The following NAV3 variants were observed in gnomAD, a reference collection of about 807,000 sequenced individuals.
NAV3 encodes pore membrane and/or filament interacting like protein 1.
NAV3 carries 87 observed loss-of-function variants against 244.7 expected under a neutral mutation model. The observed-to-expected ratio is 0.36, with a 90% CI of 0.30 to 0.42. The LOEUF (loss-of-function observed/expected upper bound fraction) is 0.42, where lower values mean the gene tolerates loss of function less well. NAV3 is among the 20% of genes least tolerant of loss of function. The pLI, the probability that NAV3 is intolerant of heterozygous loss-of-function variation, is 1.00. For missense variants in NAV3, 2,663 were observed against 2,893.3 expected (o/e 0.92, Z 1.83); for synonymous variants, 1,126 against 1,042.2 (o/e 1.08, Z -1.55).
chr12:77,986,326 C>T (rs1377759903), intron 5 of NAV3, among the ~76,000 whole-genome samples: 1 of 152,196 alleles, frequency 6.6e-6, no homozygotes, highest in South Asian at 2.1e-4. Flanking sequence ...CGTGCCACTG[C>T]ACTCCTGCCT....
chr12:77,838,015 T>G (rs1159413319), intron 1 of NAV3, among the ~76,000 whole-genome samples: 5 of 152,232 alleles, frequency 3.3e-5, no homozygotes, highest in Admixed American at 2.6e-4. Flanking sequence ...CTTGCTCACA[T>G]GGTAGCATTT....
intron 1 of NAV3, among the ~76,000 whole-genome samples, chr12:77,845,651 CTT>C (rs36029202): frequency 2.0e-4 from 26 of 129,580 alleles, no homozygotes; most frequent in South Asian, 1.5e-3. Context: ...TAGGCTAATA[CTT>C]TTTTTTTTTT....
chr12:77,791,754 C>T (rs141793936), intron 2 of NAV3, among the ~76,000 whole-genome samples: 2 of 152,308 alleles, frequency 1.3e-5, no homozygotes, highest in Admixed American at 6.5e-5. Context: ...AATATAGTTA[C>T]GCCTATGATG....
chr12:77,769,194 T>G (rs1347770007), intron 2 of NAV3, among the ~76,000 whole-genome samples: 2 of 152,196 alleles, frequency 1.3e-5, no homozygotes, highest in African/African-American at 2.4e-5. Context: ...CAGGGTGTGT[T>G]TTTAAGTACT....
chr12:77,592,983 C>T lies in NAV3; in HGVS notation c.72+20717C>T, dbSNP rs561715405. Among the ~76,000 whole-genome samples the T allele has an allele frequency of 2.0e-5, 3 of 152,218 alleles. 1 individual carries two copies. The highest frequency in any genetic ancestry group is 7.2e-5 in the African/African-American group (3 of 41,526). On this transcript the variant is annotated intron_variant, in intron 2 of 8. Coordinates refer to the NAV3 transcript ENST00000550042. ...TTGGGATCTAATTCTTCTTGTGCAG[C>T]AGATGGAGGTGGTGAAAACTGAGCT...
intron 4 of NAV3, 30 bp from the exon 5 acceptor site, chr12:77,968,489 T>C: frequency 6.4e-7 from 1 of 1,552,010 alleles, no homozygotes; most frequent in South Asian, 1.1e-5. Flanking sequence ...ATACATATGA[T>C]TCTTTTTTTG....
At chr12:77,641,246 C>T (rs1262468766) in intron 2 of NAV3, among the ~76,000 whole-genome samples, 3 of 152,010 alleles carry the variant, frequency 2.0e-5, no homozygotes, top group Non-Finnish European at 2.9e-5. Context: ...AAGGCTCATT[C>T]TTGGATGGTC....
intron 31 of NAV3, among the ~76,000 whole-genome samples, chr12:78,185,922 T>C (rs1056420258): frequency 6.6e-6 from 1 of 151,816 alleles, no homozygotes; most frequent in African/African-American, 2.4e-5. Flanking sequence ...CTGAAAATAA[T>C]ATTAACAGCC....
intron 2 of NAV3, among the ~76,000 whole-genome samples, chr12:77,682,357 T>A (rs921263756): frequency 3.9e-5 from 6 of 152,232 alleles, no homozygotes; most frequent in Non-Finnish European, 7.3e-5. Context: ...GGCTAAATAG[T>A]ATCCCATTGT....
intron 1 of NAV3, among the ~76,000 whole-genome samples, chr12:77,878,166 A>G (rs530069643): frequency 4.9e-4 from 75 of 151,718 alleles, no homozygotes; most frequent in Non-Finnish European, 1.0e-3. Context: ...GAGAAAGGAC[A>G]TGAGGTAAAA....
chr12:77,894,546 C>T lies in NAV3; in HGVS notation c.244-45773C>T, dbSNP rs924859631. On this transcript the variant is annotated intron_variant, in intron 1 of 39. Transcript: ENST00000397909. ...TGATTAATAGAAAGAACCAAATTAT[C>T]GAGATTTGATTACTTTAACCAACCC... Among the ~76,000 whole-genome samples the T allele has an allele frequency of 1.2e-4, 16 of 138,594 alleles. No homozygotes were observed. In the East Asian group the frequency reaches 2.6e-3, roughly 22 times the overall value. 90.9% of individuals were successfully genotyped at this position (138,594 alleles called of 152,430 possible).
At chr12:77,811,818 A>G (rs1448983431) in intron 2 of NAV3, among the ~76,000 whole-genome samples, 1 of 152,232 alleles carries the variant, frequency 6.6e-6, no homozygotes, top group Non-Finnish European at 1.5e-5. Context: ...AAAATAAGAC[A>G]GCATAACACA....
intron 2 of NAV3, among the ~76,000 whole-genome samples, chr12:77,574,809 C>T (rs1207824247): frequency 2.0e-5 from 3 of 151,858 alleles, no homozygotes; most frequent in Non-Finnish European, 4.4e-5. Context: ...TAAGTACAAA[C>T]TCTTAGGATC....
intron 2 of NAV3, among the ~76,000 whole-genome samples, chr12:77,654,459 A>G (rs904995744): frequency 1.3e-5 from 2 of 152,184 alleles, no homozygotes; most frequent in African/African-American, 4.8e-5. Context: ...AGGAAGCTCC[A>G]ACTGGGTGGA....
intron 2 of NAV3, among the ~76,000 whole-genome samples, chr12:77,699,782 G>GGA (rs760007620): frequency 4.9e-5 from 6 of 121,716 alleles, no homozygotes; most frequent in South Asian, 3.5e-4. Context: ...GGCCATGTCT[G>GGA]CATGACCTTT....
Position 77,593,861 on chromosome 12 carries a change from C to T in NAV3, c.72+21595C>T, listed in dbSNP as rs886517774. 4.0e-5 allele frequency among the ~76,000 whole-genome samples: 6 copies of T among 151,818 alleles called. 1 individual carries two copies. The South Asian group carries it at 8.3e-4, about 21-fold the overall frequency. Reference sequence around the variant, plus strand: ...GTGTAGAGCTTATTAGTTTGTCAAACGTCTTAATGTTCATTTCTCAATATT... The same window carrying T: ...GTGTAGAGCTTATTAGTTTGTCAAATGTCTTAATGTTCATTTCTCAATATT... On this transcript the variant is annotated intron_variant, in intron 2 of 8. Transcript: ENST00000550042.
chr12:77,798,192 A>ACAG, intron 2 of NAV3, among the ~76,000 whole-genome samples: 1 of 152,092 alleles, frequency 6.6e-6, no homozygotes, highest in African/African-American at 2.4e-5. Context: ...ACAAACAGCA[A>ACAG]CAACAACAAC....
At chr12:77,668,590 A>G (rs1318079729) in intron 2 of NAV3, among the ~76,000 whole-genome samples, 1 of 152,174 alleles carries the variant, frequency 6.6e-6, no homozygotes, top group Non-Finnish European at 1.5e-5. Context: ...AAGACAAAGA[A>G]AAAAGAATAA....
At chr12:78,140,932 C>T (rs1208339922) in intron 20 of NAV3, among the ~76,000 whole-genome samples, 2 of 151,536 alleles carry the variant, frequency 1.3e-5, no homozygotes, top group Non-Finnish European at 2.9e-5. Flanking sequence ...TGCTTTGTCA[C>T]CCAGGCTGGA....
Sources: allele counts gnomAD v4.1 joint callset (sites outside exome capture counted in the v4.1 genomes callset), GRCh38; gene constraint gnomAD v4.1.1; transcripts MANE v1.5; gene names NCBI Gene and HGNC (gene_info 2026-07-23, HGNC 2026-07-21).